ST3GAL3: variants seen among roughly 807,000 people sequenced by gnomAD.
The protein encoded by ST3GAL3 is ST3 beta-galactoside alpha-2,3-sialyltransferase 3, also known as CMP-N-acetylneuraminate-beta-1,4-galactoside alpha-2,3-sialyltransferase.
In ST3GAL3, 21 loss-of-function variants were observed where a neutral mutation model predicts 50.1. That is an observed-to-expected ratio of 0.42 (90% CI 0.30 to 0.60). ST3GAL3 has a LOEUF of 0.60. ST3GAL3 is among the 20% of genes least tolerant of loss of function. ST3GAL3 has a pLI of 0.19. For missense variants in ST3GAL3, 353 were observed against 489.4 expected (o/e 0.72, Z 2.63); for synonymous variants, 183 against 190.0 (o/e 0.96, Z 0.30).
chr1:43,749,189 A>G (rs1685066730), intron 2 of ST3GAL3, among the ~76,000 whole-genome samples: 1 of 152,360 alleles, frequency 6.6e-6, no homozygotes, highest in African/African-American at 2.4e-5. Context: ...CTCACACCAT[A>G]TACAAAAATC....
intron 1 of ST3GAL3, among the ~76,000 whole-genome samples, chr1:43,708,993 A>G (rs1663105169): frequency 6.6e-6 from 1 of 152,242 alleles, no homozygotes; most frequent in African/African-American, 2.4e-5. Context: ...TAACTGTGAT[A>G]TGGTCTCTAG....
At chr1:43,746,035 T>G (rs1187020609) in intron 2 of ST3GAL3, among the ~76,000 whole-genome samples, 1 of 152,254 alleles carries the variant, frequency 6.6e-6, no homozygotes, top group Non-Finnish European at 1.5e-5. Context: ...ATGACGAAAT[T>G]GCCTAACAGC....
At chr1:43,790,633 CTTTTT>C (rs11343844) in intron 2 of ST3GAL3, among the ~76,000 whole-genome samples, 10 of 125,710 alleles carry the variant, frequency 8.0e-5, no homozygotes, top group Admixed American at 7.9e-5. Flanking sequence ...ATGGCGTCTC[CTTTTT>C]TTTTTTTTTT....
chr1:43,930,426 T>C lies in ST3GAL3; in HGVS notation c.*205T>C. The C allele has an allele frequency of 1.6e-6, 1 of 624,252 alleles. No homozygotes were observed. The highest frequency in any genetic ancestry group is 2.9e-6 in the Non-Finnish European group (1 of 346,104). 38.7% of individuals were successfully genotyped at this position (624,252 alleles called of 1,614,324 possible). A position where few individuals can be genotyped will look rare whatever the true frequency, so the allele number is the denominator to read the frequency against. ...AGCCTCATTCAGCATGGGTCCTTGA[T>C]GCCAGAGGGCCAGCAGGCTCCTGGC... On this transcript the variant is annotated 3_prime_UTR_variant, in exon 12 of 12. Coordinates refer to ENST00000347631, the MANE Select transcript of ST3GAL3 (RefSeq NM_006279.5).
chr1:43,855,262 G>T (rs3124746), intron 5 of ST3GAL3, among the ~76,000 whole-genome samples: 14 of 152,140 alleles, frequency 9.2e-5, no homozygotes, highest in Admixed American at 2.0e-4. Context: ...CAATGGGAGC[G>T]GATCATAATT....
chr1:43,839,983 A>C (rs1251377281), intron 5 of ST3GAL3: 1 of 151,988 alleles, frequency 6.6e-6, no homozygotes, highest in Non-Finnish European at 1.5e-5. Context: ...GCCATGATCC[A>C]GTCACCTACC....
chr1:43,844,638 C>A (rs989061637), intron 5 of ST3GAL3, among the ~76,000 whole-genome samples: 1 of 151,940 alleles, frequency 6.6e-6, no homozygotes, highest in East Asian at 1.9e-4. Context: ...GGTGAAACCC[C>A]GTCTCTACCA....
intron 2 of ST3GAL3, among the ~76,000 whole-genome samples, chr1:43,743,088 C>A (rs1449449411): frequency 1.0e-4 from 11 of 108,512 alleles, no homozygotes; most frequent in African/African-American, 2.0e-4. Flanking sequence ...GACTCCGTCT[C>A]AAAAAAAAAA....
At chr1:43,867,539 A>G (rs2071629570) in intron 5 of ST3GAL3, among the ~76,000 whole-genome samples, 1 of 152,198 alleles carries the variant, frequency 6.6e-6, no homozygotes, top group African/African-American at 2.4e-5. Flanking sequence ...AGTGGGAGTT[A>G]TCAGCACATA....
intron 5 of ST3GAL3, 98 bp downstream of exon 5, chr1:43,838,409 T>G: frequency 8.8e-7 from 1 of 1,135,464 alleles, no homozygotes; most frequent in Non-Finnish European, 1.3e-6. Flanking sequence ...TCTCCTATGC[T>G]CTGGAAACCA....
chr1:43,796,429 A>G (rs1160070005), intron 3 of ST3GAL3, among the ~76,000 whole-genome samples: 1 of 152,246 alleles, frequency 6.6e-6, no homozygotes, highest in South Asian at 2.1e-4. Flanking sequence ...GCAGGTATGC[A>G]TCTGATTCTA....
rs138286395 is a variant in ST3GAL3 at position 43,899,547 on chromosome 1, T to C, written c.564T>C (p.Asn188=). 6.8e-6 allele frequency: 11 copies of C among 1,612,876 alleles called. No homozygotes were observed. In the African/African-American group the frequency reaches 1.1e-4, roughly 16 times the overall value. The change falls in exon 9 of 12, where the codon AAT becomes AAC. Residue 188 remains asparagine, a synonymous_variant. Coordinates refer to ENST00000347631, the MANE Select transcript of ST3GAL3 (RefSeq NM_006279.5). This position sits in a 1 kb window ranked among gnomAD's most constrained non-coding sequence, Gnocchi z 5.4. The part of the protein sequence containing the change: ...IDDYDIVVRL[N]SAPVKGFEKD... ...GTGGGCCTGCTCTCTGTAGACTGAATTCAGCACCAGTGAAAGGCTTTGAGA... is the reference window on the plus strand; with the variant it reads ...GTGGGCCTGCTCTCTGTAGACTGAACTCAGCACCAGTGAAAGGCTTTGAGA...
intron 5 of ST3GAL3, among the ~76,000 whole-genome samples, chr1:43,891,103 T>C (rs1386048081): frequency 6.6e-6 from 1 of 152,204 alleles, no homozygotes; most frequent in African/African-American, 2.4e-5. Flanking sequence ...CAGGGTTCCT[T>C]GGGAAAATGA....
At chr1:43,922,012 T>C (rs1013925530) in intron 11 of ST3GAL3, 1 of 350,174 alleles carries the variant, frequency 2.9e-6, no homozygotes, top group Non-Finnish European at 5.1e-6. Context: ...ATTCCTCTTA[T>C]TTCACTCACC....
At chr1:43,772,191 A>G (rs1022123646) in intron 2 of ST3GAL3, 37 of 393,606 alleles carry the variant, frequency 9.4e-5, no homozygotes, top group Admixed American at 1.8e-4. Flanking sequence ...CTGGGATTAC[A>G]GGCATGCACC....
At chr1:43,890,363 G>C (rs2076531561) in intron 5 of ST3GAL3, among the ~76,000 whole-genome samples, 1 of 152,030 alleles carries the variant, frequency 6.6e-6, no homozygotes, top group Non-Finnish European at 1.5e-5. Context: ...ATGGTTGACA[G>C]TACTATTTTT....
chr1:43,738,148 A>T (rs1679265729), intron 2 of ST3GAL3: 1 of 152,186 alleles, frequency 6.6e-6, no homozygotes. Context: ...AATAGTAGAG[A>T]GTGTCAGGAA....
At chr1:43,825,310 T>A (rs2062645040) in intron 4 of ST3GAL3, among the ~76,000 whole-genome samples, 1 of 152,240 alleles carries the variant, frequency 6.6e-6, no homozygotes, top group Non-Finnish European at 1.5e-5. Context: ...AAAAAATATA[T>A]TTGGATGTTT....
At chr1:43,911,634 T>TTTAG (rs1557497139) in intron 9 of ST3GAL3, among the ~76,000 whole-genome samples, 1 of 127,762 alleles carries the variant, frequency 7.8e-6, no homozygotes, top group African/African-American at 3.3e-5. Flanking sequence ...TATAGATATC[T>TTTAG]ATATCTATAG....
Sources: gnomAD v4.1 joint callset for allele counts (sites outside exome capture counted in the v4.1 genomes callset) on GRCh38, gnomAD v4.1.1 for gene constraint, Gnocchi (gnomAD v3.1) non-coding constraint, MANE v1.5 for transcripts, NCBI Gene and HGNC (gene_info 2026-07-23, HGNC 2026-07-21) for gene names.